CNTLN: variants seen among roughly 807,000 people sequenced by gnomAD.
CNTLN encodes the protein centlein, also known as centlein, centrosomal protein.
CNTLN carries 212 observed loss-of-function variants against 180.0 expected under a neutral mutation model. The ratio of observed to expected loss-of-function variants is 1.18; its 90% confidence interval spans 1.05 to 1.32. The LOEUF (loss-of-function observed/expected upper bound fraction) is 1.32, where lower values mean the gene tolerates loss of function less well. Among genes scored for constraint, CNTLN ranks in the 40% most tolerant of loss-of-function variants. The probability of loss-of-function intolerance (pLI) is 0.00; values close to 1 mark genes in which losing one functional copy is unlikely to be tolerated. For synonymous variants in CNTLN, 722 were observed against 563.1 expected (o/e 1.28, Z -3.99); for missense variants, 2,095 against 1,610.9 (o/e 1.30, Z -5.14).
rs188754517 is a variant in CNTLN at position 17,501,264 on chromosome 9, C to A, written c.4120-1287C>A. Among the ~76,000 whole-genome samples, 365 of 152,332 alleles carry A rather than the reference C, an allele frequency of 2.4e-3. 3 individuals carry two copies. The highest frequency in any genetic ancestry group is 7.9e-3 in the African/African-American group (328 of 41,572). On this transcript the variant is annotated intron_variant, in intron 25 of 25. Transcript: ENST00000380647. ...CTCCTGGGTTTCTAGGGAACAGACA[C>A]AGACTCAGGCTACCTTAAGGAGAAG...
intron 5 of CNTLN, among the ~76,000 whole-genome samples, chr9:17,269,973 A>T (rs1260680036): frequency 1.3e-5 from 2 of 152,130 alleles, no homozygotes; most frequent in South Asian, 2.1e-4. Flanking sequence ...AGTTTTATAG[A>T]AAATCATCTG....
rs7875846 is a variant in CNTLN, at chr9:17,425,646, G to A, written c.3114+9457G>A. ...TTTTTGAGGTGCATGCTGGAAATAC[G>A]TAGGTTAAGGGTGATTCTACTGAGG... On this transcript the variant is annotated intron_variant, in intron 18 of 25. Transcript: ENST00000380647. Among the ~76,000 whole-genome samples the A allele has an allele frequency of 9.0e-3, 1,366 of 152,246 alleles. 21 individuals carry two copies. Among genetic ancestry groups the A allele is most frequent in the African/African-American group, 0.031 (1,270 of 41,544 alleles).
chr9:17,291,653 G>T (rs1362351704), intron 6 of CNTLN, among the ~76,000 whole-genome samples: 2 of 152,200 alleles, frequency 1.3e-5, no homozygotes, highest in African/African-American at 2.4e-5. Flanking sequence ...CTTTCCATTT[G>T]CTTGGTATAT....
chr9:17,505,953 A>G (rs1833926344), downstream of CNTLN, among the ~76,000 whole-genome samples: 1 of 152,140 alleles, frequency 6.6e-6, no homozygotes, highest in Non-Finnish European at 1.5e-5. Flanking sequence ...GAAAAAGAAT[A>G]GAGAACCAAG....
chr9:17,522,583 A>G, the CNTLN span, among the ~76,000 whole-genome samples: 1 of 152,138 alleles, frequency 6.6e-6, no homozygotes, highest in Non-Finnish European at 1.5e-5. Context: ...TTGAAACTAC[A>G]GTACAGCCTT....
Position 17,135,241 on chromosome 9 carries a change from G to A in CNTLN, c.176G>A (p.Gly59Asp), listed in dbSNP as rs762108487. The change falls in exon 1 of 26, where the codon GGT becomes GAT. Residue 59 changes from glycine to aspartate, a missense_variant. Physicochemically the swap from Gly to Asp is moderately conservative, Grantham distance 94. Coordinates refer to ENST00000380647, the MANE Select transcript of CNTLN (RefSeq NM_017738.4). Reference protein sequence around the residue: ...VADESDKIWVGEEGSGGRRGP... With the variant: ...VADESDKIWVDEEGSGGRRGP... ...GACGAAAGTGATAAAATCTGGGTGG[G>A]TGAAGAAGGGTCAGGGGGCCGGCGA... 1 of 1,608,136 alleles carries A rather than the reference G, an allele frequency of 6.2e-7. No homozygotes were observed. Among genetic ancestry groups the A allele is most frequent in the Non-Finnish European group, 8.5e-7 (1 of 1,177,680 alleles).
chr9:17,189,073 GTTTTTTTTT>G (rs1175101171), intron 2 of CNTLN, among the ~76,000 whole-genome samples: 2 of 68,920 alleles, frequency 2.9e-5, no homozygotes, highest in East Asian at 1.2e-3. Context: ...TTGGGACTTA[GTTTTTTTTT>G]TTTTTTTTTT....
Position 17,331,869 on chromosome 9 carries a change from C to T in CNTLN, c.1519-736C>T, listed in dbSNP as rs376391796. On this transcript the variant is annotated intron_variant, in intron 9 of 25. Coordinates refer to ENST00000380647, the MANE Select transcript of CNTLN (RefSeq NM_017738.4). ...ACCGGGCCTAATTTGGTTGCTTGCT[C>T]GATTGCTGAAATTTAAAAATGTATG... Among the ~76,000 whole-genome samples, 16 of 151,958 alleles carry T rather than the reference C, an allele frequency of 1.1e-4. No homozygotes were observed. The East Asian group carries it at 1.5e-3, about 15-fold the overall frequency.
intron 3 of CNTLN, among the ~76,000 whole-genome samples, chr9:17,234,710 T>C (rs1357146062): frequency 6.6e-6 from 1 of 152,014 alleles, no homozygotes; most frequent in Non-Finnish European, 1.5e-5. Flanking sequence ...TTGATGTGTC[T>C]CTTTCTTGGT....
At chr9:17,416,337 T>A (rs1438247959) in intron 18 of CNTLN, 148 bp downstream of exon 18, 2 of 579,670 alleles carry the variant, frequency 3.5e-6, no homozygotes, top group Non-Finnish European at 5.7e-6. Context: ...GTAATTAGTT[T>A]AATTACTGGA....
At chr9:17,139,093 T>C (rs1057320527) in intron 1 of CNTLN, among the ~76,000 whole-genome samples, 3 of 152,110 alleles carry the variant, frequency 2.0e-5, no homozygotes, top group Non-Finnish European at 4.4e-5. Context: ...ATTTTATTTT[T>C]ATTTTTTATT....
intron 15 of CNTLN, among the ~76,000 whole-genome samples, chr9:17,402,184 G>T (rs559912975): frequency 1.3e-5 from 2 of 151,812 alleles, no homozygotes; most frequent in South Asian, 2.1e-4. Flanking sequence ...CTGGGAAGAG[G>T]CTGCAGCAGT....
intron 2 of CNTLN, among the ~76,000 whole-genome samples, chr9:17,189,704 C>G (rs144658856): frequency 0.022 from 3,409 of 151,818 alleles, 123 homozygotes; most frequent in African/African-American, 0.078. Context: ...CCAGGCTGGT[C>G]TCGAACTCCT....
chr9:17,359,724 A>AAAAAAAAAAAAAAAAAC (rs1823159136), intron 12 of CNTLN, among the ~76,000 whole-genome samples: 2 of 39,426 alleles, frequency 5.1e-5, no homozygotes, highest in Non-Finnish European at 6.2e-5. Flanking sequence ...TACTAAAAAT[A>AAAAAAAAAAAAAAAAAC]CAAAAAAAAA....
At chr9:17,226,511 G>C (rs951850981) in intron 3 of CNTLN, among the ~76,000 whole-genome samples, 5 of 151,750 alleles carry the variant, frequency 3.3e-5, no homozygotes, top group African/African-American at 9.7e-5. Context: ...TTCATCTAAT[G>C]TTACAGTTTT....
intron 23 of CNTLN, among the ~76,000 whole-genome samples, chr9:17,482,009 A>G (rs1162988221): frequency 2.0e-5 from 3 of 152,238 alleles, no homozygotes; most frequent in Admixed American, 6.5e-5. Flanking sequence ...TTAAATGTAC[A>G]GACACCAGTG....
chr9:17,513,679 G>C, the CNTLN span, among the ~76,000 whole-genome samples: 1 of 151,958 alleles, frequency 6.6e-6, no homozygotes, highest in Non-Finnish European at 1.5e-5. Flanking sequence ...ACTCCAGCCT[G>C]GGCAACAGAA....
Position 17,314,217 on chromosome 9 carries a change from C to T in CNTLN, c.1341+4965C>T, listed in dbSNP as rs942794616. The stretch of plus-strand genomic sequence containing the variant: ...TAGTTAAAATAGCTCCTTTAAAATC[C>T]GTATTTTCCTTCTCTATTGGGTCTT... On this transcript the variant is annotated intron_variant, in intron 8 of 25. Coordinates refer to ENST00000380647, the MANE Select transcript of CNTLN (RefSeq NM_017738.4). Among the ~76,000 whole-genome samples, 7 of 151,840 alleles carry T rather than the reference C, an allele frequency of 4.6e-5. No individual in the cohort carries two copies. The South Asian group carries it at 6.2e-4, about 14-fold the overall frequency.
At chr9:17,257,104 C>T (rs1357744323) in intron 5 of CNTLN, among the ~76,000 whole-genome samples, 1 of 151,872 alleles carries the variant, frequency 6.6e-6, no homozygotes, top group Non-Finnish European at 1.5e-5. Context: ...TTAGGTATAT[C>T]TCCTAATGCT....
Sources: gnomAD v4.1 joint callset for allele counts (sites outside exome capture counted in the v4.1 genomes callset) on GRCh38, gnomAD v4.1.1 for gene constraint, MANE v1.5 for transcripts, NCBI Gene and HGNC (gene_info 2026-07-23, HGNC 2026-07-21) for gene names.